SCMH1: variants seen among roughly 807,000 people sequenced by gnomAD.
SCMH1 encodes the protein polycomb protein SCMH1.
A neutral mutation model predicts 70.8 loss-of-function variants in SCMH1; 37 were observed. The observed-to-expected ratio is 0.52, with a 90% CI of 0.40 to 0.69. The LOEUF (loss-of-function observed/expected upper bound fraction) is 0.69, where lower values mean the gene tolerates loss of function less well. Among genes scored for constraint, SCMH1 ranks in the 30% least tolerant of loss-of-function variants. The pLI is 0.00. For synonymous variants in SCMH1, 292 were observed against 307.4 expected (o/e 0.95, Z 0.52); for missense variants, 607 against 827.3 (o/e 0.73, Z 3.27).
chr1:41,161,266 G>T, intron 3 of SCMH1, 98 bp downstream of exon 3: 1 of 1,520,436 alleles, frequency 6.6e-7, no homozygotes, highest in Non-Finnish European at 8.9e-7. Context: ...TATAACAATT[G>T]AGTTATTTGT....
intron 8 of SCMH1, among the ~76,000 whole-genome samples, chr1:41,106,576 T>TA (rs955188376): frequency 2.0e-5 from 3 of 151,936 alleles, no homozygotes; most frequent in African/African-American, 7.3e-5. Context: ...GCTCATAAGG[T>TA]AAAAATCCAG....
chr1:41,142,842 T>C lies in SCMH1; in HGVS notation c.412+36A>G, dbSNP rs368119670. 919 of 1,552,650 alleles carry C rather than the reference T, an allele frequency of 5.9e-4. 1 individual carries two copies. Among genetic ancestry groups the C allele is most frequent in the Non-Finnish European group, 7.8e-4 (881 of 1,124,858 alleles). ...TCAGTTTTTGGACGCTAACTATTAA[T>C]AATTGGCTAGAAAGAGTTTGGGTTT... On this transcript the variant is annotated intron_variant, in intron 6 of 14. Transcript: ENST00000337495.
chr1:41,203,878 T>C (rs1343770102), intron 1 of SCMH1, among the ~76,000 whole-genome samples: 3 of 152,228 alleles, frequency 2.0e-5, no homozygotes, highest in African/African-American at 7.2e-5. Context: ...AATAAATACG[T>C]GGGTAAATCT....
chr1:41,159,349 C>A (rs1645828892), intron 4 of SCMH1, among the ~76,000 whole-genome samples: 1 of 152,122 alleles, frequency 6.6e-6, no homozygotes, highest in Non-Finnish European at 1.5e-5. Flanking sequence ...TTACAATATG[C>A]CTTAAGCTGT....
At chr1:41,110,516 G>C (rs544786782) in intron 8 of SCMH1, among the ~76,000 whole-genome samples, 6 of 152,234 alleles carry the variant, frequency 3.9e-5, no homozygotes, top group Admixed American at 6.5e-5. Context: ...GCCAATTCTG[G>C]ACATTTCATA....
At chr1:41,181,079 C>G (rs1268376385) in intron 2 of SCMH1, among the ~76,000 whole-genome samples, 4 of 152,036 alleles carry the variant, frequency 2.6e-5, no homozygotes, top group South Asian at 4.1e-4. Flanking sequence ...GCAAATCTGA[C>G]AAAAATAAGA....
chr1:41,221,404 G>A (rs1659234343), intron 1 of SCMH1, among the ~76,000 whole-genome samples: 1 of 152,014 alleles, frequency 6.6e-6, no homozygotes, highest in Admixed American at 6.6e-5. Flanking sequence ...AATAGGCCCA[G>A]CACTTTGGGT....
chr1:41,161,534 C>T (rs11209604), intron 2 of SCMH1, 102 bp from the exon 3 acceptor site: 123,623 of 1,276,614 alleles, frequency 0.097, 6,442 homozygotes, highest in South Asian at 0.12. Context: ...AAGTAATCCA[C>T]TTCCGAGATT....
chr1:41,181,109 A>T (rs1054161047), intron 2 of SCMH1, among the ~76,000 whole-genome samples: 4 of 152,230 alleles, frequency 2.6e-5, no homozygotes, highest in Admixed American at 1.3e-4. Context: ...ACGATTCCCT[A>T]TTTAATAAAT....
chr1:41,172,533 C>T (rs1259338422), intron 2 of SCMH1, among the ~76,000 whole-genome samples: 6 of 151,832 alleles, frequency 4.0e-5, no homozygotes, highest in African/African-American at 1.5e-4. Flanking sequence ...AGATTCAATG[C>T]AATCCCTATC....
chr1:41,127,736 T>C (rs891228614), intron 6 of SCMH1, among the ~76,000 whole-genome samples: 1 of 152,130 alleles, frequency 6.6e-6, no homozygotes, highest in African/African-American at 2.4e-5. Flanking sequence ...AGAGCCCTTA[T>C]TTGATAGAAC....
intron 8 of SCMH1, among the ~76,000 whole-genome samples, chr1:41,102,863 C>A (rs1433940620): frequency 2.0e-5 from 3 of 152,122 alleles, no homozygotes; most frequent in Non-Finnish European, 4.4e-5. Context: ...TAGTCAGCCA[C>A]ACAGTCAAAA....
chr1:41,114,677 C>A (rs1572253625), intron 7 of SCMH1, among the ~76,000 whole-genome samples: 3 of 151,700 alleles, frequency 2.0e-5, no homozygotes, highest in Middle Eastern at 3.4e-3. Flanking sequence ...CTCTCTCTCT[C>A]TCTCTCTTTC....
chr1:41,091,870 G>A (rs1663624252), intron 8 of SCMH1, among the ~76,000 whole-genome samples: 2 of 152,240 alleles, frequency 1.3e-5, no homozygotes, highest in Admixed American at 1.3e-4. Flanking sequence ...TGAAATAAAA[G>A]AGGACACAAA....
chr1:41,057,109 G>A (rs963322872), intron 10 of SCMH1, among the ~76,000 whole-genome samples: 1 of 152,170 alleles, frequency 6.6e-6, no homozygotes, highest in African/African-American at 2.4e-5. Flanking sequence ...AACCCAAAGA[G>A]GTGGGGGCGG....
In SCMH1 at chr1:41,120,810, C is replaced by A. The variant is rs375296438; in HGVS notation, c.413-3800G>T. 9.2e-5 allele frequency among the ~76,000 whole-genome samples: 14 copies of A among 152,196 alleles called. No individual in the cohort carries two copies. In the South Asian group the frequency reaches 2.9e-3, roughly 31 times the overall value. On this transcript the variant is annotated intron_variant, in intron 6 of 14. Transcript: ENST00000337495. ...CTTGTTCATGGTCACACAAGCCAAT[C>A]TTACACTGTCAGGCTGGAACCCCAG...
intron 6 of SCMH1, among the ~76,000 whole-genome samples, chr1:41,133,934 G>C (rs923898689): frequency 2.6e-5 from 4 of 152,204 alleles, no homozygotes; most frequent in Non-Finnish European, 4.4e-5. Context: ...CTCATTTTAT[G>C]AGGCCAGCAT....
At chr1:41,064,734 G>A (rs1057365231) in intron 10 of SCMH1, among the ~76,000 whole-genome samples, 7 of 151,670 alleles carry the variant, frequency 4.6e-5, no homozygotes, top group Non-Finnish European at 7.4e-5. Context: ...GCAACATGGC[G>A]AGAAACCATC....
intron 10 of SCMH1, among the ~76,000 whole-genome samples, chr1:41,061,117 A>G (rs143287210): frequency 9.6e-4 from 146 of 152,272 alleles, no homozygotes; most frequent in African/African-American, 3.4e-3. Flanking sequence ...GCCCTTAATC[A>G]TTCCTGGGCT....
Sources: gnomAD v4.1 joint callset for allele counts (sites outside exome capture counted in the v4.1 genomes callset) on GRCh38, gnomAD v4.1.1 for gene constraint, MANE v1.5 for transcripts, NCBI Gene and HGNC (gene_info 2026-07-23, HGNC 2026-07-21) for gene names.